The following ATP8A2 variants were observed in gnomAD, a reference collection of about 807,000 sequenced individuals.
ATP8A2 encodes the protein phospholipid-transporting ATPase IB.
ATP8A2 carries 100 observed loss-of-function variants against 165.6 expected under a neutral mutation model. The ratio of observed to expected loss-of-function variants is 0.60; its 90% CI spans 0.51 to 0.71. ATP8A2 has a LOEUF of 0.71. Among genes scored for constraint, ATP8A2 ranks in the 30% least tolerant of loss-of-function variants. The pLI, the probability that ATP8A2 is intolerant of heterozygous loss-of-function variation, is 0.00. For synonymous variants in ATP8A2, 543 were observed against 548.8 expected (o/e 0.99, Z 0.15); for missense variants, 1,227 against 1,479.5 (o/e 0.83, Z 2.80).
In ATP8A2 at chr13:26,024,768, C is replaced by G. The variant is rs1224409798; in HGVS notation, c.*4783C>G. 1 of 152,158 alleles carries G rather than the reference C, an allele frequency of 6.6e-6. No homozygotes were observed. The highest frequency in any genetic ancestry group is 1.5e-5 in the Non-Finnish European group (1 of 68,046). 9.4% of individuals were successfully genotyped at this position (152,158 alleles called of 1,614,324 possible). On this transcript the variant is annotated 3_prime_UTR_variant, in exon 37 of 37. Transcript: ENST00000381655. ...AGAAAAACATGCTCTCAAGATTAGC[C>G]CATAGGCAGTTCTTGTGACCTGGCT... is the stretch of plus-strand genomic sequence containing the variant.
At chr13:25,469,229 CT>C in intron 2 of ATP8A2, 108 bp downstream of exon 2, 1 of 1,382,004 alleles carries the variant, frequency 7.2e-7, no homozygotes, top group Non-Finnish European at 9.8e-7. Flanking sequence ...CCCCGTCCAT[CT>C]CCCCCAGAGC....
chr13:26,001,767 A>C (rs1956635046), intron 35 of ATP8A2, among the ~76,000 whole-genome samples: 1 of 152,126 alleles, frequency 6.6e-6, no homozygotes, highest in Non-Finnish European at 1.5e-5. Flanking sequence ...TATTCTGGAT[A>C]CTAGACCTTT....
chr13:25,976,798 T>A (rs1369795103), intron 35 of ATP8A2, among the ~76,000 whole-genome samples: 1 of 152,112 alleles, frequency 6.6e-6, no homozygotes, highest in Non-Finnish European at 1.5e-5. Context: ...GTTTGTTTGT[T>A]TGTTTTTTGA....
intron 1 of ATP8A2, among the ~76,000 whole-genome samples, chr13:25,377,342 C>G (rs996932223): frequency 6.6e-6 from 1 of 152,200 alleles, no homozygotes; most frequent in Non-Finnish European, 1.5e-5. Flanking sequence ...TAAAAGTGAT[C>G]TCACTTCCAT....
At chr13:25,567,417 C>A (rs935222155) in intron 16 of ATP8A2, 1 of 456,434 alleles carries the variant, frequency 2.2e-6, no homozygotes, top group African/African-American at 2.0e-5. Flanking sequence ...GATCTTTCTT[C>A]TTCTTTCCTT....
At chr13:25,611,440 A>G (rs1261840777) in intron 24 of ATP8A2, among the ~76,000 whole-genome samples, 2 of 152,140 alleles carry the variant, frequency 1.3e-5, no homozygotes, top group Non-Finnish European at 2.9e-5. Flanking sequence ...TATGTGGTGT[A>G]TCACATTTAT....
chr13:25,794,910 A>C (rs1950468455), intron 27 of ATP8A2, among the ~76,000 whole-genome samples: 1 of 149,004 alleles, frequency 6.7e-6, no homozygotes, highest in African/African-American at 2.5e-5. Flanking sequence ...TCTTGTAATC[A>C]TTTTTATGGG....
chr13:25,649,141 A>G (rs1237591238), intron 24 of ATP8A2: 1 of 442,820 alleles, frequency 2.3e-6, no homozygotes, highest in South Asian at 1.6e-5. Context: ...CAGCTTTCAC[A>G]GGCATTCTTT....
At chr13:25,790,374 C>T (rs867158472) in intron 27 of ATP8A2, among the ~76,000 whole-genome samples, 2 of 151,944 alleles carry the variant, frequency 1.3e-5, no homozygotes, top group African/African-American at 2.4e-5. Context: ...GACAAATTTA[C>T]AGGAAAAAAA....
intron 24 of ATP8A2, among the ~76,000 whole-genome samples, chr13:25,650,478 A>G (rs186684001): frequency 8.9e-4 from 135 of 152,332 alleles, no homozygotes; most frequent in African/African-American, 3.1e-3. Context: ...TCTGAATAAC[A>G]GTTTGGATAT....
At chr13:25,665,775 C>A (rs1028473465) in intron 24 of ATP8A2, among the ~76,000 whole-genome samples, 7 of 151,832 alleles carry the variant, frequency 4.6e-5, no homozygotes, top group African/African-American at 1.7e-4. Flanking sequence ...ACTTGAACTC[C>A]TGGGCTCAAG....
chr13:25,421,474 A>C (rs2034296525), intron 1 of ATP8A2, among the ~76,000 whole-genome samples: 2 of 152,110 alleles, frequency 1.3e-5, no homozygotes, highest in Non-Finnish European at 2.9e-5. Flanking sequence ...AGCTAGGACT[A>C]CAGGCCCATG....
chr13:25,929,302 C>A (rs1294745866), intron 33 of ATP8A2, among the ~76,000 whole-genome samples: 1 of 152,082 alleles, frequency 6.6e-6, no homozygotes, highest in Non-Finnish European at 1.5e-5. Context: ...AGATGGGATG[C>A]CCGTTGCCAT....
chr13:25,659,863 T>G (rs2042012689), intron 24 of ATP8A2, among the ~76,000 whole-genome samples: 1 of 152,138 alleles, frequency 6.6e-6, no homozygotes, highest in African/African-American at 2.4e-5. Flanking sequence ...TTAGGGAAAT[T>G]TTTGGGAGAG....
In ATP8A2 at chr13:25,990,261, TA is replaced by T. The variant is rs3056351; in HGVS notation, c.3377+21603del. Among the ~76,000 whole-genome samples the T allele has an allele frequency of 8.3e-3, 896 of 108,340 alleles. 2 individuals carry two copies. The highest frequency in any genetic ancestry group is 0.026 in the African/African-American group (757 of 28,740). The allele number at this position is 108,340 out of a possible 152,430, so 71.1% of individuals were successfully genotyped here. A position where few individuals can be genotyped will look rare whatever the true frequency, so the allele number is the denominator to read the frequency against. On this transcript the variant is annotated intron_variant, in intron 35 of 36. Coordinates refer to ENST00000381655, the MANE Select transcript of ATP8A2 (RefSeq NM_016529.6). ...GTTTTGGGTGCCAAGCATGTAACTG[TA>T]AAAAAAAAAAAAAAAAAAAAGCAAA...
intron 34 of ATP8A2, among the ~76,000 whole-genome samples, chr13:25,964,164 G>T (rs1460937742): frequency 6.6e-6 from 1 of 152,198 alleles, no homozygotes; most frequent in East Asian, 1.9e-4. Context: ...AGCCAGAAAG[G>T]CCCCTGCTGA....
intron 18 of ATP8A2, 54 bp downstream of exon 18, chr13:25,571,746 T>C (rs745956119): frequency 1.8e-5 from 25 of 1,399,624 alleles, no homozygotes; most frequent in Non-Finnish European, 2.4e-5. Flanking sequence ...GAAGATTGTG[T>C]GTGTGAAATG....
chr13:25,884,905 C>A (rs986346310), intron 33 of ATP8A2, among the ~76,000 whole-genome samples: 1 of 152,108 alleles, frequency 6.6e-6, no homozygotes, highest in East Asian at 1.9e-4. Context: ...CCTCTCCTGG[C>A]CTCTGCCGAC....
intron 1 of ATP8A2, among the ~76,000 whole-genome samples, chr13:25,387,393 T>A (rs7992162): frequency 0.013 from 1,995 of 152,232 alleles, 41 homozygotes; most frequent in African/African-American, 0.045. Flanking sequence ...TCAGTCCTAG[T>A]CACGTCCTAG....
Sources: gnomAD v4.1 joint callset for allele counts (sites outside exome capture counted in the v4.1 genomes callset) on GRCh38, gnomAD v4.1.1 for gene constraint, MANE v1.5 for transcripts, NCBI Gene and HGNC (gene_info 2026-07-23, HGNC 2026-07-21) for gene names.